The following RSBN1L variants were observed in gnomAD, a reference collection of about 807,000 sequenced individuals.
RSBN1L encodes the protein lysine-specific demethylase RSBN1L.
RSBN1L carries 30 observed loss-of-function variants against 67.7 expected under a neutral mutation model. The observed-to-expected ratio is 0.44, with a 90% CI of 0.33 to 0.60. The LOEUF (loss-of-function observed/expected upper bound fraction) is 0.60, where lower values mean the gene tolerates loss of function less well. RSBN1L is among the 20% of genes least tolerant of loss of function. The probability of loss-of-function intolerance (pLI) is 0.02; values close to 1 mark genes in which losing one functional copy is unlikely to be tolerated. For synonymous variants in RSBN1L, 433 were observed against 387.0 expected (o/e 1.12, Z -1.39); for missense variants, 992 against 1,031.7 (o/e 0.96, Z 0.53).
At chr7:77,773,099 C>A in intron 5 of RSBN1L, 48 bp from the exon 6 acceptor site, 1 of 990,688 alleles carries the variant, frequency 1.0e-6, no homozygotes, top group Non-Finnish European at 1.5e-6. Context: ...TGTTTGATAG[C>A]AATTAAGTGT....
chr7:77,745,467 C>G (rs986388205), intron 2 of RSBN1L, among the ~76,000 whole-genome samples: 2 of 152,104 alleles, frequency 1.3e-5, no homozygotes, highest in African/African-American at 2.4e-5. Context: ...TTGTTTCACT[C>G]ATAGTGTTGA....
Position 77,779,035 on chromosome 7 carries a change from AT to A in RSBN1L, c.2410del (p.Ser804LeufsTer10). 1.2e-6 allele frequency: 2 copies of A among 1,614,050 alleles called. No homozygotes were observed. Among genetic ancestry groups the A allele is most frequent in the Non-Finnish European group, 1.7e-6 (2 of 1,179,960 alleles). On this transcript the variant is annotated frameshift_variant, in exon 8 of 8. Coordinates refer to ENST00000334955, the MANE Select transcript of RSBN1L (RefSeq NM_198467.3). LOFTEE classifies it high-confidence loss of function. ...VQFAEFKIDM[D>X]SKFENSNKDL... ...TTTGCAGAATTTAAGATTGACATGG[AT>A]TCTAAATTTGAAAATAGCAACAAAG...
chr7:77,767,464 C>T (rs1420119220), intron 4 of RSBN1L, among the ~76,000 whole-genome samples: 1 of 151,808 alleles, frequency 6.6e-6, no homozygotes, highest in African/African-American at 2.4e-5. Context: ...ACCTCTGCCT[C>T]TCAGGTTCAA....
chr7:77,739,372 G>A (rs1300101401), intron 2 of RSBN1L, among the ~76,000 whole-genome samples: 1 of 152,096 alleles, frequency 6.6e-6, no homozygotes. Context: ...TAAAATAGAT[G>A]TCAAGTATGT....
intron 1 of RSBN1L, among the ~76,000 whole-genome samples, chr7:77,715,419 C>T (rs993483851): frequency 2.7e-5 from 4 of 150,942 alleles, no homozygotes; most frequent in African/African-American, 4.9e-5. Flanking sequence ...ATTCTTGTGC[C>T]TCAGCCTCCC....
intron 6 of RSBN1L, among the ~76,000 whole-genome samples, chr7:77,777,838 C>T (rs1330444968): frequency 6.6e-6 from 1 of 151,902 alleles, no homozygotes; most frequent in Non-Finnish European, 1.5e-5. Context: ...TCAGCAAATA[C>T]CAAGTTTATT....
At chr7:77,704,239 T>C (rs554989299) in intron 1 of RSBN1L, among the ~76,000 whole-genome samples, 1 of 152,342 alleles carries the variant, frequency 6.6e-6, no homozygotes, top group South Asian at 2.1e-4. Context: ...TGAAAGAAGT[T>C]TGTATTTCAG....
chr7:77,747,150 C>T (rs183618655), intron 2 of RSBN1L, among the ~76,000 whole-genome samples: 180 of 152,298 alleles, frequency 1.2e-3, no homozygotes, highest in African/African-American at 4.2e-3. Flanking sequence ...CCACATTTCC[C>T]CACATTACCT....
intron 1 of RSBN1L, among the ~76,000 whole-genome samples, chr7:77,724,406 T>C (rs1791163321): frequency 6.6e-6 from 1 of 151,820 alleles, no homozygotes; most frequent in Admixed American, 6.6e-5. Flanking sequence ...ATACATAATA[T>C]ATGAATCCCT....
intron 4 of RSBN1L, 140 bp from the exon 5 acceptor site, chr7:77,768,521 T>G: frequency 1.4e-6 from 1 of 712,998 alleles, no homozygotes; most frequent in Non-Finnish European, 2.3e-6. Context: ...TAGGGATATA[T>G]TCAATATTAT....
intron 2 of RSBN1L, among the ~76,000 whole-genome samples, chr7:77,743,080 GTC>G (rs1334262530): frequency 6.6e-6 from 1 of 151,650 alleles, no homozygotes; most frequent in African/African-American, 2.4e-5. Context: ...TCGAGACAAG[GTC>G]TTACTCTGTT....
At chr7:77,744,679 A>G (rs889186959) in intron 2 of RSBN1L, among the ~76,000 whole-genome samples, 1 of 151,920 alleles carries the variant, frequency 6.6e-6, no homozygotes, top group Non-Finnish European at 1.5e-5. Flanking sequence ...CGGCCTCCCA[A>G]AGTGCTGGGA....
At chr7:77,747,112 G>A (rs1209527510) in intron 2 of RSBN1L, among the ~76,000 whole-genome samples, 1 of 152,174 alleles carries the variant, frequency 6.6e-6, no homozygotes, top group South Asian at 2.1e-4. Flanking sequence ...CAGTACCCTG[G>A]TGGAGACTCA....
intron 5 of RSBN1L, among the ~76,000 whole-genome samples, chr7:77,770,261 G>A (rs1791829254): frequency 6.6e-6 from 1 of 152,260 alleles, no homozygotes; most frequent in Middle Eastern, 3.4e-3. Flanking sequence ...TGTAATCCCA[G>A]CTATTCAGGA....
At chr7:77,774,307 C>T (rs768851747) in intron 6 of RSBN1L, among the ~76,000 whole-genome samples, 1 of 152,266 alleles carries the variant, frequency 6.6e-6, no homozygotes, top group Admixed American at 6.5e-5. Context: ...AATTTTGCGG[C>T]CAGGTGTGAT....
intron 2 of RSBN1L, among the ~76,000 whole-genome samples, chr7:77,738,113 T>G (rs1049995988): frequency 6.6e-6 from 1 of 152,078 alleles, no homozygotes; most frequent in African/African-American, 2.4e-5. Context: ...TTTAATCAAA[T>G]AGTTTTCTTA....
chr7:77,771,956 C>A (rs977483410), intron 5 of RSBN1L, among the ~76,000 whole-genome samples: 2 of 152,052 alleles, frequency 1.3e-5, no homozygotes, highest in Admixed American at 6.6e-5. Flanking sequence ...GAGGAACTTC[C>A]ATTCACTTCA....
intron 1 of RSBN1L, among the ~76,000 whole-genome samples, chr7:77,699,830 C>G (rs1790790847): frequency 6.7e-6 from 1 of 150,356 alleles, no homozygotes; most frequent in Non-Finnish European, 1.5e-5. Context: ...GAGTCTCGCT[C>G]TTGTTGGCCA....
chr7:77,778,902 T>C lies in RSBN1L; in HGVS notation c.2275T>C (p.Ser759Pro), dbSNP rs749520355. ...GCAGATTAAACATGAACCTATTGCA[T>C]CTGTAAGAATCAAGGAAGAACCTGT... Reference protein sequence around the residue: ...LQQIKHEPIASVRIKEEPVNV... With the variant: ...LQQIKHEPIAPVRIKEEPVNV... The change falls in exon 8 of 8, where the codon TCT (serine) becomes CCT (proline). Residue 759 changes from serine (S) to proline (P), a missense_variant. By Grantham distance (74) the Ser-to-Pro change is moderately conservative. Coordinates refer to ENST00000334955, the MANE Select transcript of RSBN1L (RefSeq NM_198467.3). The C allele has an allele frequency of 6.2e-7, 1 of 1,613,980 alleles. No homozygotes were observed. Among genetic ancestry groups the C allele is most frequent in the South Asian group, 1.1e-5 (1 of 91,068 alleles).
Sources: gnomAD v4.1 joint callset for allele counts (sites outside exome capture counted in the v4.1 genomes callset) on GRCh38, gnomAD v4.1.1 for gene constraint, MANE v1.5 for transcripts, NCBI Gene and HGNC (gene_info 2026-07-23, HGNC 2026-07-21) for gene names.